Variants in MAP3K13 observed in about 807,000 individuals in gnomAD.
The protein encoded by MAP3K13 is leucine zipper-bearing kinase.
In MAP3K13, 52 loss-of-function variants were observed where a neutral mutation model predicts 104.0. That is an observed-to-expected ratio of 0.50 (90% CI 0.40 to 0.63). The LOEUF is 0.63. Among genes scored for constraint, MAP3K13 ranks in the 20% least tolerant of loss-of-function variants. The pLI is 0.00. For synonymous variants in MAP3K13, 394 were observed against 442.2 expected (o/e 0.89, Z 1.37); for missense variants, 914 against 1,218.5 (o/e 0.75, Z 3.72).
At chr3:185,361,614 C>T (rs1339849137), upstream of MAP3K13, among the ~76,000 whole-genome samples, 1 of 152,168 alleles carries the variant, frequency 6.6e-6, no homozygotes, top group East Asian at 1.9e-4. Flanking sequence ...CCATGTTAGC[C>T]AGGATGGTCT....
chr3:185,421,540 C>T (rs1390616777), intron 1 of MAP3K13, among the ~76,000 whole-genome samples: 2 of 152,154 alleles, frequency 1.3e-5, no homozygotes, highest in Non-Finnish European at 2.9e-5. Flanking sequence ...TCCAAACTTG[C>T]CCTTTATCCC....
At chr3:185,437,720 A>G (rs1168302764) in intron 3 of MAP3K13, 90 bp downstream of exon 3, 3 of 1,295,564 alleles carry the variant, frequency 2.3e-6, no homozygotes, top group African/African-American at 3.0e-5. Flanking sequence ...AGATATTTCA[A>G]AAGCATTCTC....
intron 2 of MAP3K13, among the ~76,000 whole-genome samples, chr3:185,357,865 T>A (rs548879719): frequency 1.3e-5 from 2 of 152,334 alleles, no homozygotes; most frequent in South Asian, 4.1e-4. Context: ...TCCAGCTGGC[T>A]AGATATTTTA....
At chr3:185,467,273 CCA>C (rs1410024526) in intron 10 of MAP3K13, among the ~76,000 whole-genome samples, 3 of 152,088 alleles carry the variant, frequency 2.0e-5, no homozygotes, top group Admixed American at 2.0e-4. Flanking sequence ...TCTGTCAACC[CCA>C]GTGTCCTCAT....
chr3:185,357,555 T>C (rs1193227867), intron 2 of MAP3K13, among the ~76,000 whole-genome samples: 1 of 151,946 alleles, frequency 6.6e-6, no homozygotes, highest in Non-Finnish European at 1.5e-5. Flanking sequence ...GCTCTTTCAG[T>C]GTATAAAGTA....
chr3:185,477,312 C>T lies in MAP3K13; in HGVS notation c.2431-14C>T, dbSNP rs781365143. On this transcript the variant is annotated splice_polypyrimidine_tract_variant and intron_variant, in intron 11 of 13. Transcript: ENST00000265026. ...ACTAAAATAAATAAAACTCTTAATC[C>T]TTGTTCTCCTCAGAGTGGAGATGAC... is the stretch of plus-strand genomic sequence containing the variant. 8 of 1,558,550 alleles carry T rather than the reference C, an allele frequency of 5.1e-6. No homozygotes were observed. The African/African-American group carries it at 6.8e-5, about 13-fold the overall frequency.
In MAP3K13 at chr3:185,488,074, A is replaced by G. The variant is rs1718805571; in HGVS notation, c.*5618A>G. On this transcript the variant is annotated 3_prime_UTR_variant, in exon 14 of 14. Coordinates refer to ENST00000265026, the MANE Select transcript of MAP3K13 (RefSeq NM_004721.5). ...CATTCCAAAATGTCTCTTCATTCAC[A>G]TCATTTAATTCTGTTGAATGAATAT... 1.3e-5 allele frequency: 2 copies of G among 152,244 alleles called. No individual in the cohort carries two copies. The highest frequency in any genetic ancestry group is 2.9e-5 in the Non-Finnish European group (2 of 68,042). The allele number at this position is 152,244 out of a possible 1,614,324, so 9.4% of individuals were successfully genotyped here. A position where few individuals can be genotyped will look rare whatever the true frequency, so the allele number is the denominator to read the frequency against.
At chr3:185,449,260 C>A (rs942677235) in intron 5 of MAP3K13, among the ~76,000 whole-genome samples, 1 of 151,232 alleles carries the variant, frequency 6.6e-6, no homozygotes, top group Admixed American at 6.6e-5. Context: ...GTAATCCCAG[C>A]TACTTGGGAG....
chr3:185,320,083 CT>C (rs11382487), intron 2 of MAP3K13, among the ~76,000 whole-genome samples: 26 of 143,778 alleles, frequency 1.8e-4, no homozygotes, highest in African/African-American at 2.8e-4. Context: ...ATGTAAGTAA[CT>C]TTTTTTTTTT....
At position 185,315,557 on chromosome 3, in the gene MAP3K13, G is replaced by A. The variant is rs907729257; in HGVS notation, c.-86+29914G>A. On this transcript the variant is annotated intron_variant, in intron 2 of 14. Transcript: ENST00000424227. The surrounding 1 kb of genome is among the most constrained non-coding windows in gnomAD (Gnocchi z 4.3). ...GGGAAAAAATATGGAAATACATAAT[G>A]AAAATAACAAAATCAAATATCCCTT... 5.3e-5 allele frequency among the ~76,000 whole-genome samples: 8 copies of A among 152,132 alleles called. No individual in the cohort carries two copies. Among genetic ancestry groups the A allele is most frequent in the African/African-American group, 1.7e-4 (7 of 41,424 alleles).
rs1303082864 is a variant in MAP3K13, at chr3:185,487,060, A to C, written c.*4604A>C. The C allele has an allele frequency of 6.6e-6, 1 of 152,236 alleles. No individual in the cohort carries two copies. Among genetic ancestry groups the C allele is most frequent in the African/African-American group, 2.4e-5 (1 of 41,472 alleles). The allele number at this position is 152,236 out of a possible 1,614,324, so 9.4% of individuals were successfully genotyped here. On this transcript the variant is annotated 3_prime_UTR_variant, in exon 14 of 14. Coordinates refer to ENST00000265026, the MANE Select transcript of MAP3K13 (RefSeq NM_004721.5). The stretch of plus-strand genomic sequence containing the variant: ...ACATTTTGAGTAGGATTTAGTAAGT[A>C]CTGGACATCTCCTGTAGAGCTTCAT...
chr3:185,382,662 A>G (rs927019745), intron 1 of MAP3K13, among the ~76,000 whole-genome samples: 32 of 151,998 alleles, frequency 2.1e-4, no homozygotes, highest in African/African-American at 7.7e-4. Context: ...TCATGGGAAT[A>G]AGTGGGTTTT....
intron 2 of MAP3K13, among the ~76,000 whole-genome samples, chr3:185,302,824 A>G (rs1317576405): frequency 6.6e-6 from 1 of 152,028 alleles, no homozygotes; most frequent in Non-Finnish European, 1.5e-5. Context: ...CATGCCTTTT[A>G]TTTCTTTTTC....
chr3:185,488,492 G>A lies in MAP3K13; in HGVS notation c.*6036G>A, dbSNP rs1718828468. 6.6e-6 allele frequency: 1 copy of A among 152,314 alleles called. No individual in the cohort carries two copies. The highest frequency in any genetic ancestry group is 2.1e-4 in the South Asian group (1 of 4,830). The allele number at this position is 152,314 out of a possible 1,614,324, so 9.4% of individuals were successfully genotyped here. On this transcript the variant is annotated 3_prime_UTR_variant, in exon 14 of 14. Transcript: ENST00000265026. ...TAAAGAGGGGAGCTCTAAAATCACT[G>A]CTCTGAGAAACAGGAGGTGGGTTAA...
chr3:185,296,999 TTA>T (rs1275634734), intron 2 of MAP3K13, among the ~76,000 whole-genome samples: 1 of 152,180 alleles, frequency 6.6e-6, no homozygotes, highest in East Asian at 1.9e-4. Flanking sequence ...TAAATTTGAC[TTA>T]TTAGAGAGTT....
chr3:185,489,011 C>A lies in MAP3K13; in HGVS notation c.*6555C>A, dbSNP rs1486495290. ...CCAGTGTTGTTTTCTGATGCCGGCT[C>A]CCTCTCTGTATTGAACGGCAATGGG... On this transcript the variant is annotated 3_prime_UTR_variant, in exon 14 of 14. Transcript: ENST00000265026. 1 of 152,172 alleles carries A rather than the reference C, an allele frequency of 6.6e-6. No homozygotes were observed. Among genetic ancestry groups the A allele is most frequent in the Admixed American group, 6.5e-5 (1 of 15,276 alleles). The allele number at this position is 152,172 out of a possible 1,614,324, so 9.4% of individuals were successfully genotyped here.
rs527254181 is a variant in MAP3K13, at chr3:185,343,416, C to G, written c.-86+57773C>G. Among the ~76,000 whole-genome samples, 325 of 152,174 alleles carry G rather than the reference C, an allele frequency of 2.1e-3. 1 individual carries two copies. The highest frequency in any genetic ancestry group is 7.3e-3 in the African/African-American group (305 of 41,544). ...GTGCCTTGTTTTTATTTTTTTCCTCCTCTGTGCTGCAAACGGACGACTCTC... is the reference window on the plus strand; with the variant it reads ...GTGCCTTGTTTTTATTTTTTTCCTCGTCTGTGCTGCAAACGGACGACTCTC... On this transcript the variant is annotated intron_variant, in intron 2 of 14. Coordinates refer to the MAP3K13 transcript ENST00000424227.
intron 2 of MAP3K13, among the ~76,000 whole-genome samples, chr3:185,341,476 T>A (rs190497830): frequency 1.3e-5 from 2 of 152,186 alleles, no homozygotes; most frequent in Non-Finnish European, 2.9e-5. Context: ...AAAGAAAAAA[T>A]TTCTGTTGTT....
At chr3:185,380,959 GTTTTT>G (rs542853065) in intron 1 of MAP3K13, among the ~76,000 whole-genome samples, 9 of 113,578 alleles carry the variant, frequency 7.9e-5, no homozygotes, top group African/African-American at 2.7e-4. Context: ...TTTTTTTTTT[GTTTTT>G]TTTTGTTTTT....
Sources: gnomAD v4.1 joint callset for allele counts (sites outside exome capture counted in the v4.1 genomes callset) on GRCh38, gnomAD v4.1.1 for gene constraint, Gnocchi (gnomAD v3.1) non-coding constraint, MANE v1.5 for transcripts, NCBI Gene and HGNC (gene_info 2026-07-23, HGNC 2026-07-21) for gene names.